RBM12: variants seen among roughly 807,000 people sequenced by gnomAD.
The protein encoded by RBM12 is RNA-binding protein 12.
In RBM12, 24 loss-of-function variants were observed where a neutral mutation model predicts 37.2. That is an observed-to-expected ratio of 0.65 (90% CI 0.47 to 0.91). The LOEUF is 0.91. RBM12 is among the 40% of genes least tolerant of loss of function. The pLI is 0.00. For synonymous variants in RBM12, 420 were observed against 425.2 expected (o/e 0.99, Z 0.15); for missense variants, 1,061 against 1,183.2 (o/e 0.90, Z 1.52).
In RBM12 at chr20:35,651,632, TATGAAAAGGACTTCAAATC is replaced by T. The variant is rs1470067081; in HGVS notation, c.*873_*891del. 1 of 152,258 alleles carries T rather than the reference TATGAAAAGGACTTCAAATC, an allele frequency of 6.6e-6. No individual in the cohort carries two copies. The highest frequency in any genetic ancestry group is 2.4e-5 in the African/African-American group (1 of 41,432). The allele number at this position is 152,258 out of a possible 1,614,324, so 9.4% of individuals were successfully genotyped here. A position where few individuals can be genotyped will look rare whatever the true frequency, so the allele number is the denominator to read the frequency against. On this transcript the variant is annotated 3_prime_UTR_variant, in exon 3 of 3. Transcript: ENST00000374114. Reference sequence around the variant, plus strand: ...GGAAATTGATACTACAATTAGTCCATATGAAAAGGACTTCAAATCAAGTATCTTAAACACATTATTAAAA... The same window carrying T: ...GGAAATTGATACTACAATTAGTCCATAAGTATCTTAAACACATTATTAAAA...
At position 35,652,734 on chromosome 20, in the gene RBM12, C is replaced by T. The variant is rs1402869467; in HGVS notation, c.2589G>A (p.Met863Ile). The T allele has an allele frequency of 1.9e-6, 3 of 1,613,912 alleles. No individual in the cohort carries two copies. Among genetic ancestry groups the T allele is most frequent in the Non-Finnish European group, 2.5e-6 (3 of 1,179,886 alleles). ...PGPTVIKVQN[M>I]PFTVSIDEIL... ...TCTCATCAATAGACACAGTAAAGGG[C>T]ATGTTTTGCACTTTAATTACTGTCG... The change falls in exon 3 of 3, where the codon ATG (methionine) becomes ATA (isoleucine). Residue 863 changes from methionine to isoleucine, a missense_variant. Transcript: ENST00000374114.
chr20:35,652,867 A>G lies in RBM12; in HGVS notation c.2456T>C (p.Leu819Ser). 1 of 1,612,544 alleles carries G rather than the reference A, an allele frequency of 6.2e-7. No homozygotes were observed. The highest frequency in any genetic ancestry group is 8.5e-7 in the Non-Finnish European group (1 of 1,179,342). The stretch of plus-strand genomic sequence containing the variant: ...AGGCCCAAAAGCTGGTGGCCCACCC[A>G]AATGCCCAGGGGCACTTCCAAGACC... ...PPGLGSAPGH[L>S]GGPPAFGPGP... The change falls in exon 3 of 3, where the codon TTG becomes TCG. Residue 819 changes from leucine to serine, a missense_variant. Leu to Ser is a moderately radical substitution (Grantham distance 145). Around this residue, in one of 3 missense-constraint regions of RBM12, gnomAD observed 517 missense variants for 534.0 expected, o/e 0.97. Coordinates refer to ENST00000374114, the MANE Select transcript of RBM12 (RefSeq NM_006047.6).
At chr20:35,663,511 C>T (rs897873805) in intron 1 of RBM12, among the ~76,000 whole-genome samples, 1 of 152,198 alleles carries the variant, frequency 6.6e-6, no homozygotes. Flanking sequence ...GTGGGTTATA[C>T]TGACTCTATT....
rs1417538090 is a variant in RBM12 at position 35,649,499 on chromosome 20, G to A, written c.*3025C>T. 2.0e-5 allele frequency: 3 copies of A among 152,454 alleles called. No individual in the cohort carries two copies. Among genetic ancestry groups the A allele is most frequent in the Non-Finnish European group, 2.9e-5 (2 of 67,994 alleles). 9.4% of individuals were successfully genotyped at this position (152,454 alleles called of 1,614,324 possible). ...AAATTTTAAATAAAGTTTCCTAATC[G>A]AATTTTCATTGTTGATGCTTTGACA... On this transcript the variant is annotated 3_prime_UTR_variant, in exon 3 of 3. Transcript: ENST00000374114.
rs1037637139 is a variant in RBM12, at chr20:35,649,541, T to C, written c.*2983A>G. 2 of 152,648 alleles carry C rather than the reference T, an allele frequency of 1.3e-5. No individual in the cohort carries two copies. The highest frequency in any genetic ancestry group is 2.9e-5 in the Non-Finnish European group (2 of 68,026). 9.5% of individuals were successfully genotyped at this position (152,648 alleles called of 1,614,324 possible). On this transcript the variant is annotated 3_prime_UTR_variant, in exon 3 of 3. Transcript: ENST00000374114. ...GCTTTGACAACTTGGAGTACAAAGC[T>C]AGGAACTACATTTCACTTAACACTG... is the stretch of plus-strand genomic sequence containing the variant.
intron 2 of RBM12, among the ~76,000 whole-genome samples, chr20:35,658,033 C>T (rs902459170): frequency 1.3e-5 from 2 of 151,474 alleles, no homozygotes; most frequent in Admixed American, 1.3e-4. Flanking sequence ...GCAACAAGAG[C>T]GAAACTCTGT....
Position 35,649,041 on chromosome 20 carries a change from T to C in RBM12, c.*3483A>G, listed in dbSNP as rs1226123349. 1.3e-5 allele frequency: 2 copies of C among 152,684 alleles called. No homozygotes were observed. Among genetic ancestry groups the C allele is most frequent in the African/African-American group, 2.4e-5 (1 of 41,476 alleles). The allele number at this position is 152,684 out of a possible 1,614,324, so 9.5% of individuals were successfully genotyped here. ...TCTGCTGAGTGATGCCAAGGCAGTA[T>C]TTGCTGGCAATGTTGTGGCCATATT... On this transcript the variant is annotated 3_prime_UTR_variant, in exon 3 of 3. Transcript: ENST00000374114.
Position 35,649,128 on chromosome 20 carries a change from A to G in RBM12, c.*3396T>C, listed in dbSNP as rs1390402890. The G allele has an allele frequency of 1.3e-5, 2 of 152,514 alleles. No individual in the cohort carries two copies. Among genetic ancestry groups the G allele is most frequent in the East Asian group, 3.8e-4 (2 of 5,202 alleles). The allele number at this position is 152,514 out of a possible 1,614,324, so 9.4% of individuals were successfully genotyped here. On this transcript the variant is annotated 3_prime_UTR_variant, in exon 3 of 3. Coordinates refer to ENST00000374114, the MANE Select transcript of RBM12 (RefSeq NM_006047.6). ...TCTGGACTACTATAGAACTGCCAGT[A>G]AAACAATTTAAATGTGGCAATTTTG...
chr20:35,654,753 A>AATTGGTGGC lies in RBM12; in HGVS notation c.561_569dup (p.Pro189_Ile190insMetProPro). 1 of 1,613,722 alleles carries AATTGGTGGC rather than the reference A, an allele frequency of 6.2e-7. No individual in the cohort carries two copies. Among genetic ancestry groups the AATTGGTGGC allele is most frequent in the Admixed American group, 1.7e-5 (1 of 59,998 alleles). On this transcript the variant is annotated inframe_insertion, in exon 3 of 3. Coordinates refer to ENST00000374114, the MANE Select transcript of RBM12 (RefSeq NM_006047.6). ...GAGATGGCATCGCTGGAATTGGAGG[A>AATTGGTGGC]ATTGGTGGCGGCGGGACTGTGTTCA...
In RBM12 at chr20:35,654,765, C is replaced by A. The variant is rs144142577; in HGVS notation, c.558G>T (p.Pro186=). ...CTGGAATTGGAGGAATTGGTGGCGGCGGGACTGTGTTCATTGGAGAGGCTG... is the reference window on the plus strand; with the variant it reads ...CTGGAATTGGAGGAATTGGTGGCGGAGGGACTGTGTTCATTGGAGAGGCTG... ...PSTASPMNTV[P]PPPIPPIPAM... is the part of the protein sequence containing the mutation. Residue 186 remains proline, a synonymous_variant, in exon 3 of 3, where the codon CCG becomes CCT. Transcript: ENST00000374114. 11 of 1,613,750 alleles carry A rather than the reference C, an allele frequency of 6.8e-6. No individual in the cohort carries two copies. The East Asian group carries it at 2.5e-4, about 36-fold the overall frequency.
chr20:35,653,598 A>G lies in RBM12; in HGVS notation c.1725T>C (p.His575=), dbSNP rs781243520. ...EGIPVDENAV[H]VLVDNNGQGL... ...CTTGCCCATTGTTATCAACAAGAAC[A>G]TGTACAGCATTTTCATCCACTGGGA... The change falls in exon 3 of 3, where the codon CAT becomes CAC. Residue 575 remains histidine (H), a synonymous_variant. Transcript: ENST00000374114. The G allele has an allele frequency of 7.4e-6, 12 of 1,614,232 alleles. No homozygotes were observed. Among genetic ancestry groups the G allele is most frequent in the East Asian group, 2.2e-5 (1 of 44,894 alleles).
chr20:35,659,138 C>CAAAA (rs370328377), intron 1 of RBM12, 124 bp from the exon 2 acceptor site: 5 of 272,324 alleles, frequency 1.8e-5, no homozygotes, highest in South Asian at 1.7e-4. Flanking sequence ...GAATGCATAT[C>CAAAA]AAAAAAAAAA....
At position 35,650,342 on chromosome 20, in the gene RBM12, T is replaced by C. The variant is rs1276048910; in HGVS notation, c.*2182A>G. ...TAGTTGCAATAAAGTGTATGAAATA[T>C]TTAATAAGAATGTACGAACATATAA... On this transcript the variant is annotated 3_prime_UTR_variant, in exon 3 of 3. Coordinates refer to ENST00000374114, the MANE Select transcript of RBM12 (RefSeq NM_006047.6). 1 of 152,338 alleles carries C rather than the reference T, an allele frequency of 6.6e-6. No individual in the cohort carries two copies. Among genetic ancestry groups the C allele is most frequent in the Non-Finnish European group, 1.5e-5 (1 of 68,008 alleles). 9.4% of individuals were successfully genotyped at this position (152,338 alleles called of 1,614,324 possible).
At position 35,652,764 on chromosome 20, in the gene RBM12, T is replaced by C. The variant is rs74880624; in HGVS notation, c.2559A>G (p.Pro853=). ...TTTGCACTTTAATTACTGTCGGTCC[T>C]GGTTTTCCAGAACTAGATGCAAAGC... ...PPGFASSSGK[P]GPTVIKVQNM... is the part of the protein sequence containing the mutation. The change falls in exon 3 of 3, where the codon CCA becomes CCG. Residue 853 remains proline (P), a synonymous_variant. Coordinates refer to ENST00000374114, the MANE Select transcript of RBM12 (RefSeq NM_006047.6). The C allele has an allele frequency of 6.6e-3, 10,680 of 1,612,590 alleles. 68 individuals carry two copies. Among genetic ancestry groups the C allele is most frequent in the Middle Eastern group, 0.034 (207 of 6,054 alleles).
intron 1 of RBM12, among the ~76,000 whole-genome samples, chr20:35,662,328 GTT>G (rs773769480): frequency 7.1e-4 from 108 of 152,280 alleles, no homozygotes; most frequent in Non-Finnish European, 1.2e-3. Flanking sequence ...CATTCACTCT[GTT>G]TTTGAGTCTT....
At position 35,655,010 on chromosome 20, in the gene RBM12, A is replaced by T; in HGVS notation, c.313T>A (p.Ser105Thr). Residue 105 changes from serine to threonine, a missense_variant, in exon 3 of 3, where the codon TCA becomes ACA. This residue lies in a region of RBM12 where 540 missense variants were observed against 632.7 expected (regional missense o/e 0.85). Coordinates refer to ENST00000374114, the MANE Select transcript of RBM12 (RefSeq NM_006047.6). ...LDIPPANASRSGPPPSSGMSS... is the reference protein window; with the variant it reads ...LDIPPANASRTGPPPSSGMSS... ...ATTCCTGAGCTAGGTGGTGGTCCTG[A>T]TCTACTGGCATTTGCTGGTGGTATA... The T allele has an allele frequency of 6.2e-7, 1 of 1,614,130 alleles. No homozygotes were observed. Among genetic ancestry groups the T allele is most frequent in the Non-Finnish European group, 8.5e-7 (1 of 1,180,030 alleles).
chr20:35,653,274 G>C lies in RBM12; in HGVS notation c.2049C>G (p.Thr683=), dbSNP rs1164695810. The C allele has an allele frequency of 6.2e-7, 1 of 1,613,542 alleles. No homozygotes were observed. The highest frequency in any genetic ancestry group is 8.5e-7 in the Non-Finnish European group (1 of 1,179,862). ...PSTGLPGSAI[T]SAGLPGAGMP... ...TTCCCGCACCAGGCAGTCCTGCACT[G>C]GTTATTGCTGAACCAGGCAGTCCTG... The change falls in exon 3 of 3, where the codon ACC becomes ACG. Residue 683 remains threonine, a synonymous_variant. Transcript: ENST00000374114.
Position 35,658,911 on chromosome 20 carries a change from T to C in RBM12, c.-23+19A>G, listed in dbSNP as rs2034072499. The C allele has an allele frequency of 1.4e-6, 1 of 712,598 alleles. No individual in the cohort carries two copies. The highest frequency in any genetic ancestry group is 1.5e-5 in the South Asian group (1 of 66,342). The allele number at this position is 712,598 out of a possible 1,614,324, so 44.1% of individuals were successfully genotyped here. A position where few individuals can be genotyped will look rare whatever the true frequency, so the allele number is the denominator to read the frequency against. On this transcript the variant is annotated intron_variant, in intron 2 of 2. Coordinates refer to ENST00000374114, the MANE Select transcript of RBM12 (RefSeq NM_006047.6). ...TTTTATTTTGTATAAAAACGAACTC[T>C]CTATTCAAAATCTCTTACCTGATAA...
chr20:35,658,232 T>C (rs990514847), intron 2 of RBM12, among the ~76,000 whole-genome samples: 5 of 152,190 alleles, frequency 3.3e-5, no homozygotes, highest in Admixed American at 6.5e-5. Flanking sequence ...CTAAAATTTG[T>C]ACTCTAAAAC....
Sources: gnomAD v4.1 joint callset for allele counts (sites outside exome capture counted in the v4.1 genomes callset) on GRCh38, gnomAD v4.1.1 for gene constraint, gnomAD v4.1.1 regional missense constraint, MANE v1.5 for transcripts, NCBI Gene and HGNC (gene_info 2026-07-23, HGNC 2026-07-21) for gene names.